Variants in SUPT3H observed in about 807,000 individuals in gnomAD.
The protein encoded by SUPT3H is transcription initiation protein SPT3 homolog.
A neutral mutation model predicts 44.3 loss-of-function variants in SUPT3H; 44 were observed. The observed-to-expected ratio is 0.99, with a 90% CI of 0.78 to 1.28. The LOEUF (loss-of-function observed/expected upper bound fraction) is 1.28. Ranked by LOEUF, SUPT3H falls within the 50% of genes most tolerant of loss-of-function variation. SUPT3H has a pLI of 0.00. For synonymous variants in SUPT3H, 124 were observed against 125.6 expected (o/e 0.99, Z 0.09); for missense variants, 380 against 387.1 (o/e 0.98, Z 0.15).
At chr6:44,987,927 G>A (rs780622725) in intron 6 of SUPT3H, among the ~76,000 whole-genome samples, 13 of 152,036 alleles carry the variant, frequency 8.6e-5, no homozygotes, top group Non-Finnish European at 1.8e-4. Context: ...TAAGTACCAC[G>A]GGAGAATGGG....
At chr6:45,049,019 T>C (rs1789859522) in intron 3 of SUPT3H, among the ~76,000 whole-genome samples, 1 of 152,126 alleles carries the variant, frequency 6.6e-6, no homozygotes, top group Admixed American at 6.6e-5. Flanking sequence ...CGCAAATTGC[T>C]AAGAGTGCAT....
chr6:44,970,875 T>A (rs1777477860), intron 6 of SUPT3H, among the ~76,000 whole-genome samples: 1 of 152,222 alleles, frequency 6.6e-6, no homozygotes, highest in Non-Finnish European at 1.5e-5. Flanking sequence ...GATCTTTCCA[T>A]CTTGGTTTAG....
chr6:45,350,696 AG>A (rs1791834924), intron 2 of SUPT3H, among the ~76,000 whole-genome samples: 1 of 152,216 alleles, frequency 6.6e-6, no homozygotes, highest in Admixed American at 6.5e-5. Flanking sequence ...TGCCTTTTAA[AG>A]GAAGCTTATA....
intron 2 of SUPT3H, among the ~76,000 whole-genome samples, chr6:45,162,931 C>T (rs563678482): frequency 6.6e-6 from 1 of 152,146 alleles, no homozygotes; most frequent in East Asian, 1.9e-4. Flanking sequence ...GAGTATATTC[C>T]AAAGACTGTC....
At chr6:44,905,964 GA>G (rs1309986708) in intron 10 of SUPT3H, among the ~76,000 whole-genome samples, 1 of 151,654 alleles carries the variant, frequency 6.6e-6, no homozygotes, top group African/African-American at 2.4e-5. Context: ...TCACAGGTGG[GA>G]ACTGAACAAT....
At chr6:44,989,493 C>A (rs1039169923) in intron 6 of SUPT3H, among the ~76,000 whole-genome samples, 1 of 152,074 alleles carries the variant, frequency 6.6e-6, no homozygotes, top group Non-Finnish European at 1.5e-5. Flanking sequence ...TTTGAGGTAT[C>A]AAGATCATTT....
At chr6:45,301,574 A>G (rs945207826) in intron 2 of SUPT3H, among the ~76,000 whole-genome samples, 3 of 152,056 alleles carry the variant, frequency 2.0e-5, no homozygotes, top group Admixed American at 2.0e-4. Context: ...TTAATGTTAC[A>G]TCACCTTACA....
chr6:45,161,955 C>T (rs1033264151), intron 2 of SUPT3H, among the ~76,000 whole-genome samples: 1 of 151,818 alleles, frequency 6.6e-6, no homozygotes, highest in Admixed American at 6.6e-5. Context: ...AAATGTAACA[C>T]GTACTAAATA....
chr6:44,837,057 C>T (rs1012572895), intron 10 of SUPT3H, among the ~76,000 whole-genome samples: 1 of 152,118 alleles, frequency 6.6e-6, no homozygotes, highest in Admixed American at 6.6e-5. Context: ...TAATAGATAA[C>T]ATCAAATACT....
At chr6:44,946,629 C>A (rs2153470330) in intron 9 of SUPT3H, among the ~76,000 whole-genome samples, 1 of 152,226 alleles carries the variant, frequency 6.6e-6, no homozygotes, top group Middle Eastern at 3.4e-3. Context: ...CTGAACTGCT[C>A]AATCTCATGA....
chr6:44,839,946 C>A lies in SUPT3H; in HGVS notation c.913-10089G>T, dbSNP rs181843958. Among the ~76,000 whole-genome samples, 11 of 152,272 alleles carry A rather than the reference C, an allele frequency of 7.2e-5. No homozygotes were observed. The East Asian group carries it at 1.9e-3, about 27-fold the overall frequency. On this transcript the variant is annotated intron_variant, in intron 10 of 10. Transcript: ENST00000371459. The stretch of plus-strand genomic sequence containing the variant: ...CGATCTCCTGACCTCGTGATCCGCC[C>A]GCCTTGGCCTCCCAAAGTGCTGGGA...
rs1271635300 is a variant in SUPT3H at position 45,095,614 on chromosome 6, C to G, written c.186+10308G>C. Among the ~76,000 whole-genome samples the G allele has an allele frequency of 6.6e-6, 1 of 152,114 alleles. No homozygotes were observed. The highest frequency in any genetic ancestry group is 2.4e-5 in the African/African-American group (1 of 41,448). ...ACAGCTTACTACTGACTGGTAGATTCATACAGTGAAAATCTAATATGATTT... is the reference window on the plus strand; with the variant it reads ...ACAGCTTACTACTGACTGGTAGATTGATACAGTGAAAATCTAATATGATTT... On this transcript the variant is annotated intron_variant, in intron 3 of 10. Coordinates refer to ENST00000371459, the MANE Select transcript of SUPT3H (RefSeq NM_003599.4). This position sits in a 1 kb window ranked among gnomAD's most constrained non-coding sequence, Gnocchi z 4.1.
At chr6:45,245,378 C>A (rs960878870) in intron 2 of SUPT3H, among the ~76,000 whole-genome samples, 21 of 151,978 alleles carry the variant, frequency 1.4e-4, no homozygotes, top group Admixed American at 1.3e-3. Context: ...CAAACATCAC[C>A]ACTATCCATA....
At chr6:45,069,682 T>C (rs1341869239) in intron 3 of SUPT3H, among the ~76,000 whole-genome samples, 1 of 152,172 alleles carries the variant, frequency 6.6e-6, no homozygotes, top group East Asian at 1.9e-4. Context: ...ATCTGAAATA[T>C]ATGAGGGCGA....
At chr6:45,041,042 T>C (rs6925499) in intron 3 of SUPT3H, among the ~76,000 whole-genome samples, 10,115 of 152,182 alleles carry the variant, frequency 0.066, 1,129 homozygotes, top group African/African-American at 0.23. Context: ...TTCGTTTTCA[T>C]TCATTTACTT....
intron 2 of SUPT3H, among the ~76,000 whole-genome samples, chr6:45,257,074 A>G (rs1160001862): frequency 1.3e-5 from 2 of 152,048 alleles, no homozygotes; most frequent in Admixed American, 1.3e-4. Context: ...GAGGGTTCCA[A>G]TTTTTCCACA....
chr6:44,942,948 A>T (rs1352089338), intron 9 of SUPT3H, among the ~76,000 whole-genome samples: 1 of 152,198 alleles, frequency 6.6e-6, no homozygotes, highest in Non-Finnish European at 1.5e-5. Flanking sequence ...GGAATAAAAC[A>T]GAATCCTAAA....
intron 2 of SUPT3H, among the ~76,000 whole-genome samples, chr6:45,183,986 CTA>C (rs1337654054): frequency 6.6e-6 from 1 of 152,074 alleles, no homozygotes; most frequent in Non-Finnish European, 1.5e-5. Context: ...CACAGTGAAA[CTA>C]TTTTGTATGA....
intron 3 of SUPT3H, among the ~76,000 whole-genome samples, chr6:45,062,468 C>T (rs895686713): frequency 1.1e-4 from 17 of 151,918 alleles, no homozygotes; most frequent in Admixed American, 3.9e-4. Context: ...CCAAGATGGC[C>T]GAATAGGAAC....
Sources: gnomAD v4.1 joint callset for allele counts (sites outside exome capture counted in the v4.1 genomes callset) on GRCh38, gnomAD v4.1.1 for gene constraint, Gnocchi (gnomAD v3.1) non-coding constraint, MANE v1.5 for transcripts, NCBI Gene and HGNC (gene_info 2026-07-23, HGNC 2026-07-21) for gene names.